CACNG6: variants seen among roughly 807,000 people sequenced by gnomAD.
CACNG6 encodes voltage-dependent calcium channel gamma-6 subunit.
Under a neutral mutation model 23.9 loss-of-function variants are expected in CACNG6, and 21 were observed. That is an observed-to-expected ratio of 0.88 (90% CI 0.62 to 1.26). The LOEUF is 1.26. CACNG6 is among the 50% of genes most tolerant of loss of function. The pLI is 0.00. For missense variants in CACNG6, 340 were observed against 352.9 expected (o/e 0.96, Z 0.29); for synonymous variants, 182 against 168.9 (o/e 1.08, Z -0.60).
At chr19:53,995,730 C>T (rs111488609) in intron 1 of CACNG6, among the ~76,000 whole-genome samples, 1,925 of 152,334 alleles carry the variant, frequency 0.013, 43 homozygotes, top group African/African-American at 0.043. Flanking sequence ...GGCACGATCT[C>T]GGCCCACTGC....
At chr19:54,003,229 A>G (rs1197375820) in intron 3 of CACNG6, among the ~76,000 whole-genome samples, 1 of 152,164 alleles carries the variant, frequency 6.6e-6, no homozygotes, top group Non-Finnish European at 1.5e-5. Flanking sequence ...TCCAAGCAGC[A>G]TAAAGGTCTT....
At position 54,012,055 on chromosome 19, in the gene CACNG6, T is replaced by C. The variant is rs145464848; in HGVS notation, c.649T>C (p.Tyr217His). The change falls in exon 4 of 4, where the codon TAC becomes CAC. Residue 217 changes from tyrosine to histidine, a missense_variant. Tyr to His is a moderately conservative substitution (Grantham distance 83, BLOSUM62 2). Coordinates refer to ENST00000252729, the MANE Select transcript of CACNG6 (RefSeq NM_145814.2). ...PPPAPRLTYE[Y>H]SWSLGCGVGA... ...CCCGGCCCCACGCCTCACCTACGAG[T>C]ACTCCTGGTCCCTGGGCTGCGGCGT... 8.4e-4 allele frequency: 1,356 copies of C among 1,606,726 alleles called. 10 individuals carry two copies. The African/African-American group carries it at 0.016, about 19-fold the overall frequency.
intron 2 of CACNG6, 145 bp downstream of exon 2, chr19:53,998,458 C>A: frequency 1.6e-6 from 1 of 608,644 alleles, no homozygotes; most frequent in Non-Finnish European, 2.9e-6. Flanking sequence ...CTGGGGAGTG[C>A]TGGCGGGAGA....
intron 3 of CACNG6, among the ~76,000 whole-genome samples, chr19:54,011,190 T>TAAAAAAAAAAAAAAAAAAAAAA (rs142489178): frequency 1.7e-5 from 1 of 59,218 alleles, no homozygotes; most frequent in Non-Finnish European, 2.7e-5. Context: ...CCGTCTCTAC[T>TAAAAAAAAAAAAAAAAAAAAAA]AAAAAAAAAA....
chr19:54,009,247 C>G (rs1011499935), intron 3 of CACNG6, among the ~76,000 whole-genome samples: 3 of 152,076 alleles, frequency 2.0e-5, no homozygotes, highest in South Asian at 2.1e-4. Context: ...GTGGTGAAAC[C>G]CCGTCTCTAC....
intron 1 of CACNG6, among the ~76,000 whole-genome samples, chr19:53,996,385 A>C: frequency 7.4e-6 from 1 of 135,998 alleles, no homozygotes; most frequent in Admixed American, 8.0e-5. Flanking sequence ...TAACTTTAAA[A>C]TTTCTCTCTC....
intron 3 of CACNG6, among the ~76,000 whole-genome samples, chr19:54,006,851 G>T (rs200319403): frequency 0.016 from 2,187 of 134,976 alleles, 33 homozygotes; most frequent in East Asian, 0.062. Flanking sequence ...TTTTTATTTT[G>T]TTATTTTATT....
Position 54,001,469 on chromosome 19 carries a change from G to A in CACNG6, c.544+1698G>A, listed in dbSNP as rs181107834. On this transcript the variant is annotated intron_variant, in intron 3 of 3. Coordinates refer to ENST00000252729, the MANE Select transcript of CACNG6 (RefSeq NM_145814.2). ...CTCCCAAAGTGCTGGGATTACAGGC[G>A]TGAGCCACCGCGCCCGGCCAAGACT... 4.0e-4 allele frequency among the ~76,000 whole-genome samples: 61 copies of A among 152,242 alleles called. No homozygotes were observed. In the East Asian group the frequency reaches 8.9e-3, roughly 22 times the overall value.
rs545597290 is a variant in CACNG6, at chr19:53,993,405, A to G, written c.331+197A>G. ...TGAGAGATAGAGGGATCCCCCAGAT[A>G]TGGCCCAGGTCCCTCACGGGCCTAC... On this transcript the variant is annotated intron_variant, in intron 1 of 3. Coordinates refer to ENST00000252729, the MANE Select transcript of CACNG6 (RefSeq NM_145814.2). Among the ~76,000 whole-genome samples the G allele has an allele frequency of 3.9e-5, 6 of 152,184 alleles. No individual in the cohort carries two copies. In the South Asian group the frequency reaches 1.0e-3, roughly 26 times the overall value.
At chr19:54,003,522 G>A (rs946547802) in intron 3 of CACNG6, among the ~76,000 whole-genome samples, 4 of 151,938 alleles carry the variant, frequency 2.6e-5, no homozygotes. Flanking sequence ...CACCACACCT[G>A]GCTAAGTTTT....
intron 1 of CACNG6, among the ~76,000 whole-genome samples, chr19:53,996,723 G>A (rs970430720): frequency 1.1e-4 from 16 of 151,780 alleles, no homozygotes; most frequent in African/African-American, 3.1e-4. Context: ...TTTTTTCCTC[G>A]TTCTTTTCCA....
chr19:53,998,105 C>G, intron 1 of CACNG6, 134 bp from the exon 2 acceptor site: 1 of 672,282 alleles, frequency 1.5e-6, no homozygotes, highest in South Asian at 2.0e-5. Context: ...CTCTGGGCAT[C>G]ATTTTTCTCC....
intron 3 of CACNG6, among the ~76,000 whole-genome samples, chr19:54,011,227 T>TATATATATATATATATATATATACAC (rs1442985544): frequency 2.1e-5 from 2 of 95,328 alleles, no homozygotes; most frequent in Admixed American, 1.4e-4. Context: ...TATATATATA[T>TATATATATATATATATATATATACAC]ACACACACAC....
chr19:53,992,547 A>C lies in CACNG6; in HGVS notation c.-331A>C. Reference sequence around the variant, plus strand: ...CTCTTGGGGGGACTCCCTCCTGGGAAGCCGAATTCTATCTCTAAACCTCAG... The same window carrying C: ...CTCTTGGGGGGACTCCCTCCTGGGACGCCGAATTCTATCTCTAAACCTCAG... On this transcript the variant is annotated 5_prime_UTR_variant, in exon 1 of 4. Transcript: ENST00000252729. This position sits in a 1 kb window ranked among gnomAD's most constrained non-coding sequence, Gnocchi z 4.1. The C allele has an allele frequency of 1.0e-5, 2 of 190,938 alleles. No homozygotes were observed. The allele number at this position is 190,938 out of a possible 1,614,324, so 11.8% of individuals were successfully genotyped here.
intron 3 of CACNG6, among the ~76,000 whole-genome samples, chr19:54,004,264 G>C (rs1229568780): frequency 6.6e-6 from 1 of 151,794 alleles, no homozygotes. Flanking sequence ...GGATTCAAGC[G>C]AGTCTCCTGC....
chr19:54,003,419 G>C (rs183107780), intron 3 of CACNG6, among the ~76,000 whole-genome samples: 1 of 152,132 alleles, frequency 6.6e-6, no homozygotes, highest in South Asian at 2.1e-4. Context: ...GGAGTGCAGC[G>C]GTGCGATCTC....
At position 54,011,951 on chromosome 19, in the gene CACNG6, G is replaced by T; in HGVS notation, c.545G>T (p.Gly182Val). ...RVGAVCFGLS[G>V]LLLLVSLEVF... ...CTGCGAGCTGTCCTCTCTCCCGCAGGCCTGCTGCTCTTGGTGAGCCTGGAG... is the reference window on the plus strand; with the variant it reads ...CTGCGAGCTGTCCTCTCTCCCGCAGTCCTGCTGCTCTTGGTGAGCCTGGAG... The change falls in exon 4 of 4, where the codon GGC becomes GTC. Residue 182 changes from glycine to valine, a missense_variant and splice_region_variant. By Grantham distance (109) the Gly-to-Val change is moderately radical. Transcript: ENST00000252729. 6.6e-7 allele frequency: 1 copy of T among 1,509,244 alleles called. No homozygotes were observed. The highest frequency in any genetic ancestry group is 1.3e-5 in the South Asian group (1 of 76,070). The allele number at this position is 1,509,244 out of a possible 1,614,324, so 93.5% of individuals were successfully genotyped here.
At chr19:54,010,032 TTTTC>T (rs1361019732) in intron 3 of CACNG6, among the ~76,000 whole-genome samples, 11 of 113,904 alleles carry the variant, frequency 9.7e-5, no homozygotes, top group Admixed American at 2.1e-4. Context: ...AGACTATTTC[TTTTC>T]TTTCTTTTTT....
At chr19:53,995,134 T>C (rs995416787) in intron 1 of CACNG6, among the ~76,000 whole-genome samples, 13 of 152,068 alleles carry the variant, frequency 8.5e-5, no homozygotes, top group African/African-American at 2.9e-4. Flanking sequence ...GTTGCCTCTC[T>C]TCTCAACAAC....
Sources: allele counts gnomAD v4.1 joint callset (sites outside exome capture counted in the v4.1 genomes callset), GRCh38; gene constraint gnomAD v4.1.1; non-coding constraint Gnocchi (gnomAD v3.1); transcripts MANE v1.5; gene names NCBI Gene and HGNC (gene_info 2026-07-23, HGNC 2026-07-21).